Variants in HGD observed in about 807,000 individuals in gnomAD.
HGD encodes homogentisate oxidase.
In HGD, 61 loss-of-function variants were observed where a neutral mutation model predicts 60.8. The observed-to-expected ratio is 1.00, with a 90% CI of 0.82 to 1.24. The LOEUF (loss-of-function observed/expected upper bound fraction) is 1.24, where lower values mean the gene tolerates loss of function less well. HGD is among the 50% of genes most tolerant of loss of function. The pLI, the probability that HGD is intolerant of heterozygous loss-of-function variation, is 0.00. For synonymous variants in HGD, 212 were observed against 187.7 expected (o/e 1.13, Z -1.06); for missense variants, 542 against 547.1 (o/e 0.99, Z 0.09).
chr3:120,660,669 A>C (rs1576307482), intron 4 of HGD, among the ~76,000 whole-genome samples: 2 of 152,208 alleles, frequency 1.3e-5, no homozygotes, highest in Admixed American at 1.3e-4. Context: ...TACTAAAAAT[A>C]CAAAAATTAG....
At chr3:120,675,079 C>A (rs1215514415) in intron 2 of HGD, 90 bp from the exon 3 acceptor site, 3 of 835,374 alleles carry the variant, frequency 3.6e-6, no homozygotes, top group Admixed American at 3.5e-5. Context: ...GATGGGGATG[C>A]TCTGGGCGAC....
intron 4 of HGD, among the ~76,000 whole-genome samples, chr3:120,665,426 A>T (rs1707876779): frequency 6.6e-6 from 1 of 152,254 alleles, no homozygotes; most frequent in Non-Finnish European, 1.5e-5. Context: ...GTGCTAATTC[A>T]GGAATTCTAG....
rs539635443 is a variant in HGD, at chr3:120,662,708, T to A, written c.282+7719A>T. ...TTTCTTATCAACAACTATCCCTTCA[T>A]CTCTAAGGCAAAGAGAATCCAAAAG... is the stretch of plus-strand genomic sequence containing the variant. On this transcript the variant is annotated intron_variant, in intron 4 of 13. Transcript: ENST00000283871. Among the ~76,000 whole-genome samples, 7 of 152,230 alleles carry A rather than the reference T, an allele frequency of 4.6e-5. No homozygotes were observed. The South Asian group carries it at 1.5e-3, about 32-fold the overall frequency.
Position 120,670,449 on chromosome 3 carries a change from T to G in HGD, c.260A>C (p.Glu87Ala), listed in dbSNP as rs35702995. ...DEGQVTHNWDEVDPDPNQLRW... is the reference protein window; with the variant it reads ...DEGQVTHNWDAVDPDPNQLRW... ...TACCTGGTTAGGATCAGGATCAACTTCATCCCAGTTGTGAGTGACTTGGCC... is the reference window on the plus strand; with the variant it reads ...TACCTGGTTAGGATCAGGATCAACTGCATCCCAGTTGTGAGTGACTTGGCC... Residue 87 changes from glutamate to alanine, a missense_variant, in exon 4 of 14, where the codon GAA becomes GCA. This residue lies in a region of HGD where 537 missense variants were observed against 529.1 expected (regional missense o/e 1.01). Transcript: ENST00000283871. The G allele has an allele frequency of 7.3e-4, 1,165 of 1,598,508 alleles. 9 individuals are homozygous for G. In the African/African-American group the frequency reaches 0.014, roughly 19 times the overall value.
At chr3:120,667,367 A>C (rs1010206332) in intron 4 of HGD, among the ~76,000 whole-genome samples, 7 of 151,042 alleles carry the variant, frequency 4.6e-5, no homozygotes, top group African/African-American at 1.5e-4. Context: ...AGCTAGAAAA[A>C]TTCTATTAGA....
intron 3 of HGD, among the ~76,000 whole-genome samples, chr3:120,670,743 C>T (rs902043525): frequency 2.6e-5 from 4 of 152,178 alleles, no homozygotes; most frequent in African/African-American, 9.7e-5. Flanking sequence ...TTCATTCCAC[C>T]CATCATGCTT....
intron 4 of HGD, among the ~76,000 whole-genome samples, chr3:120,665,099 A>G (rs1044949540): frequency 2.6e-5 from 4 of 152,186 alleles, no homozygotes; most frequent in Admixed American, 6.5e-5. Context: ...AATCCAAGAC[A>G]TTTGTGGAGG....
In HGD at chr3:120,638,457, T is replaced by C. The variant is rs778359542; in HGVS notation, c.1004A>G (p.His335Arg). ...ADKTFRPPYY[H>R]RNCMSEFMGL... ...GGCTTGGTAAAAGAGAGACTTACTA[T>C]GGTAATAAGGAGGCCTGAAGGTCTT... is the stretch of plus-strand genomic sequence containing the variant. Residue 335 changes from histidine (H) to arginine (R), a missense_variant and splice_region_variant, in exon 12 of 14, where the codon CAT (histidine) becomes CGT (arginine). Coordinates refer to ENST00000283871, the MANE Select transcript of HGD (RefSeq NM_000187.4). 6 of 1,613,768 alleles carry C rather than the reference T, an allele frequency of 3.7e-6. No homozygotes were observed. Among genetic ancestry groups the C allele is most frequent in the Non-Finnish European group, 5.1e-6 (6 of 1,179,844 alleles).
At chr3:120,657,759 T>C (rs930138267) in intron 4 of HGD, among the ~76,000 whole-genome samples, 1 of 151,970 alleles carries the variant, frequency 6.6e-6, no homozygotes, top group Non-Finnish European at 1.5e-5. Flanking sequence ...TCAAGAAATG[T>C]ACAATCATGA....
chr3:120,673,109 G>A (rs1037270831), intron 3 of HGD, among the ~76,000 whole-genome samples: 2 of 152,160 alleles, frequency 1.3e-5, no homozygotes, highest in Non-Finnish European at 2.9e-5. Flanking sequence ...GAGATTTTGG[G>A]TGGGAAGCAT....
At chr3:120,655,711 T>C (rs1207183849) in intron 4 of HGD, among the ~76,000 whole-genome samples, 2 of 152,240 alleles carry the variant, frequency 1.3e-5, no homozygotes, top group African/African-American at 2.4e-5. Flanking sequence ...TATTGTATGC[T>C]GTGGAGCAGT....
chr3:120,642,011 G>A (rs1940999285), intron 10 of HGD, among the ~76,000 whole-genome samples: 2 of 152,202 alleles, frequency 1.3e-5, no homozygotes, highest in South Asian at 4.1e-4. Context: ...ATCTGTGGAT[G>A]TCAGCAGTTC....
chr3:120,650,875 AC>A lies in HGD; in HGVS notation c.343-11del, dbSNP rs1297785912. ...ACAAGGTATGCAGGCCCTGGGAGAG[AC>A]CCACAGAAGAGGGAAAGGTTAATGT... On this transcript the variant is annotated splice_polypyrimidine_tract_variant and intron_variant, in intron 5 of 13. Transcript: ENST00000283871. 1 of 1,607,014 alleles carries A rather than the reference AC, an allele frequency of 6.2e-7. No homozygotes were observed. Among genetic ancestry groups the A allele is most frequent in the Non-Finnish European group, 8.5e-7 (1 of 1,173,634 alleles).
chr3:120,633,721 T>C (rs1940666250), intron 12 of HGD: 1 of 623,528 alleles, frequency 1.6e-6, no homozygotes, highest in Middle Eastern at 5.0e-4. Context: ...ATCATAACCC[T>C]TTCCCAAGTA....
chr3:120,655,320 A>G (rs903065628), intron 4 of HGD, among the ~76,000 whole-genome samples: 2 of 152,216 alleles, frequency 1.3e-5, no homozygotes, highest in Admixed American at 1.3e-4. Flanking sequence ...ACTACATTTC[A>G]TAGTGAAGAG....
At chr3:120,677,474 C>T (rs1449788654) in intron 1 of HGD, among the ~76,000 whole-genome samples, 1 of 152,162 alleles carries the variant, frequency 6.6e-6, no homozygotes, top group Non-Finnish European at 1.5e-5. Flanking sequence ...CAGTCTCCCA[C>T]AGCGCTCCCA....
At position 120,674,918 on chromosome 3, in the gene HGD, C is replaced by T. The variant is rs1475120211; in HGVS notation, c.159G>A (p.Arg53=). The T allele has an allele frequency of 3.7e-6, 6 of 1,609,510 alleles. No individual in the cohort carries two copies. Among genetic ancestry groups the T allele is most frequent in the Non-Finnish European group, 5.1e-6 (6 of 1,176,166 alleles). Residue 53 remains arginine (R), a synonymous_variant, in exon 3 of 14, where the codon CGG becomes CGA. Coordinates refer to ENST00000283871, the MANE Select transcript of HGD (RefSeq NM_000187.4). The part of the protein sequence containing the change: ...QLSGSAFTCP[R]STNKRSWLYR... Reference sequence around the variant, plus strand: ...CCTTGTACCTTCTCTTATTGGTGCTCCGTGGACAAGTGAAAGCCGATCCTG... The same window carrying T: ...CCTTGTACCTTCTCTTATTGGTGCTTCGTGGACAAGTGAAAGCCGATCCTG...
In HGD at chr3:120,638,306, G is replaced by A. The variant is rs574267756; in HGVS notation, c.1006+149C>T. On this transcript the variant is annotated intron_variant, in intron 12 of 13. Coordinates refer to ENST00000283871, the MANE Select transcript of HGD (RefSeq NM_000187.4). ...TCCCTTAAAGAGATTAAAGCTTGGG[G>A]ATCAGCACTAGGCCTTGTGCAGCAG... is the stretch of plus-strand genomic sequence containing the variant. 3.4e-4 allele frequency: 320 copies of A among 930,688 alleles called. 4 individuals are homozygous for A. The South Asian group carries it at 4.0e-3, about 12-fold the overall frequency. 57.7% of individuals were successfully genotyped at this position (930,688 alleles called of 1,614,324 possible). A position where few individuals can be genotyped will look rare whatever the true frequency, so the allele number is the denominator to read the frequency against.
At chr3:120,643,004 T>C (rs1033539583) in intron 10 of HGD, among the ~76,000 whole-genome samples, 2 of 152,170 alleles carry the variant, frequency 1.3e-5, no homozygotes, top group African/African-American at 4.8e-5. Context: ...GCTTCTACAA[T>C]TGTGGTTCTT....
Sources: allele counts gnomAD v4.1 joint callset (sites outside exome capture counted in the v4.1 genomes callset), GRCh38; gene constraint gnomAD v4.1.1; regional missense constraint gnomAD v4.1.1; transcripts MANE v1.5; gene names NCBI Gene and HGNC (gene_info 2026-07-23, HGNC 2026-07-21).